Variants in RBCK1 observed in about 807,000 individuals in gnomAD.
RBCK1 encodes the protein ranBP-type and C3HC4-type zinc finger-containing protein 1.
In RBCK1, 44 loss-of-function variants were observed where a neutral mutation model predicts 71.1. The ratio of observed to expected loss-of-function variants is 0.62; its 90% CI spans 0.49 to 0.80. The LOEUF (loss-of-function observed/expected upper bound fraction) is 0.80, where lower values mean the gene tolerates loss of function less well. RBCK1 is among the 30% of genes least tolerant of loss of function. The probability of loss-of-function intolerance (pLI) is 0.00; values close to 1 mark genes in which losing one functional copy is unlikely to be tolerated. For missense variants in RBCK1, 569 were observed against 685.0 expected, an observed-to-expected ratio of 0.83 and a Z score of 1.89; for synonymous variants, 306 against 279.7, an observed-to-expected ratio of 1.09 and a Z score of -0.94.
chr20:420,957 G>A lies in RBCK1; in HGVS notation c.843G>A (p.Glu281=). Residue 281 remains glutamate (E), a synonymous_variant, in exon 7 of 12, where the codon GAG becomes GAA. Coordinates refer to ENST00000356286, the MANE Select transcript of RBCK1 (RefSeq NM_031229.4). ...TGGTGCTGAACACGGAGCCCGCCGA[G>A]TGCCCCGTGTGCTACTCGGTGCTGG... is the stretch of plus-strand genomic sequence containing the variant. ...RSLVLNTEPA[E]CPVCYSVLAP... 1 of 1,558,324 alleles carries A rather than the reference G, an allele frequency of 6.4e-7. No individual in the cohort carries two copies. Among genetic ancestry groups the A allele is most frequent in the Non-Finnish European group, 8.7e-7 (1 of 1,152,532 alleles).
Position 417,760 on chromosome 20 carries a change from T to C in RBCK1, c.290T>C (p.Val97Ala), listed in dbSNP as rs764728866. 18 of 1,613,886 alleles carry C rather than the reference T, an allele frequency of 1.1e-5. No homozygotes were observed. The highest frequency in any genetic ancestry group is 1.3e-5 in the Non-Finnish European group (15 of 1,179,910). The change falls in exon 4 of 12, where the codon GTC becomes GCC. Residue 97 changes from valine (V) to alanine (A), a missense_variant. Physicochemically the swap from Val to Ala is moderately conservative, Grantham distance 64. This residue lies in a region of RBCK1 where 358 missense variants were observed against 375.6 expected (regional missense o/e 0.95). Coordinates refer to ENST00000356286, the MANE Select transcript of RBCK1 (RefSeq NM_031229.4). This position sits in a 1 kb window ranked among gnomAD's most constrained non-coding sequence, Gnocchi z 4.7. ...TTTCTGGACTATGGCTTCCCACCAG[T>C]CTTGCAGCAGTGGGTGATTGGGCAG... ...MVFLDYGFPP[V>A]LQQWVIGQRL...
chr20:420,913 C>T lies in RBCK1; in HGVS notation c.799C>T (p.Gln267Ter), dbSNP rs2122268166. The part of the protein sequence containing the change: ...QQEGNYLQHV[Q>*]LDQRSLVLNT... Reference sequence around the variant, plus strand: ...GGAGGGGAACTACCTGCAGCACGTCCAGCTGGACCAGAGGAGCCTGGTGCT... The same window carrying T: ...GGAGGGGAACTACCTGCAGCACGTCTAGCTGGACCAGAGGAGCCTGGTGCT... The change falls in exon 7 of 12, where the codon CAG becomes TAG. Residue 267 changes from glutamine to a stop codon, truncating the protein, a stop_gained. Coordinates refer to ENST00000356286, the MANE Select transcript of RBCK1 (RefSeq NM_031229.4). LOFTEE classifies it high-confidence loss of function. 1.3e-6 allele frequency: 2 copies of T among 1,554,904 alleles called. No individual in the cohort carries two copies. The highest frequency in any genetic ancestry group is 8.7e-7 in the Non-Finnish European group (1 of 1,151,068).
intron 11 of RBCK1, among the ~76,000 whole-genome samples, chr20:429,618 G>T (rs989242135): frequency 2.0e-5 from 3 of 152,226 alleles, no homozygotes; most frequent in Admixed American, 6.5e-5. Flanking sequence ...TTCAGTGTCC[G>T]TAGGTAAAGT....
At position 422,290 on chromosome 20, in the gene RBCK1, G is replaced by T; in HGVS notation, c.1029+52G>T. On this transcript the variant is annotated intron_variant, in intron 8 of 11. Transcript: ENST00000356286. The surrounding 1 kb of genome is among the most constrained non-coding windows in gnomAD (Gnocchi z 5.0). Reference sequence around the variant, plus strand: ...CCCAAGTCCCAACTCCTAAGGAACTGGGCCCTGAGCAGGCAGCAGACATCT... The same window carrying T: ...CCCAAGTCCCAACTCCTAAGGAACTTGGCCCTGAGCAGGCAGCAGACATCT... 1 of 1,468,310 alleles carries T rather than the reference G, an allele frequency of 6.8e-7. No homozygotes were observed. Among genetic ancestry groups the T allele is most frequent in the Non-Finnish European group, 9.5e-7 (1 of 1,051,868 alleles). 91.0% of individuals were successfully genotyped at this position (1,468,310 alleles called of 1,614,324 possible).
chr20:426,586 T>C (rs568042309), intron 8 of RBCK1, among the ~76,000 whole-genome samples: 1 of 152,342 alleles, frequency 6.6e-6, no homozygotes, highest in Admixed American at 6.5e-5. Flanking sequence ...CCACGTTTTC[T>C]TTATAGGATA....
intron 2 of RBCK1, chr20:410,863 CA>C (rs2122178133): frequency 3.3e-6 from 1 of 298,610 alleles, no homozygotes; most frequent in South Asian, 6.0e-5. Context: ...TTTCTTAAAA[CA>C]GTTTTATTTA....
At position 430,281 on chromosome 20, in the gene RBCK1, A is replaced by C; in HGVS notation, c.1453-69A>C. On this transcript the variant is annotated intron_variant, in intron 11 of 11. Transcript: ENST00000356286. This position sits in a 1 kb window ranked among gnomAD's most constrained non-coding sequence, Gnocchi z 5.6. ...TGCAGAGGCAAAGGCCCGGGGTGGG[A>C]GAGCGCTCGGCTGTGGGGGCAGTCT... 50 of 1,356,880 alleles carry C rather than the reference A, an allele frequency of 3.7e-5. No homozygotes were observed. The highest frequency in any genetic ancestry group is 5.7e-5 in the African/African-American group (4 of 69,572). 84.1% of individuals were successfully genotyped at this position (1,356,880 alleles called of 1,614,324 possible).
At position 431,438 on chromosome 20, in the gene RBCK1, G is replaced by A. The variant is rs1401321343; in HGVS notation, c.*1008G>A. Among the ~76,000 whole-genome samples the A allele has an allele frequency of 6.6e-6, 1 of 152,168 alleles. No individual in the cohort carries two copies. The highest frequency in any genetic ancestry group is 2.4e-5 in the African/African-American group (1 of 41,438). ...AGAACCCACTCTGTGCTGGTCGGAGGTTACTAAGACAGGGTCCTGGGATGT... is the reference window on the plus strand; with the variant it reads ...AGAACCCACTCTGTGCTGGTCGGAGATTACTAAGACAGGGTCCTGGGATGT... On this transcript the variant is annotated 3_prime_UTR_variant, in exon 12 of 12. Coordinates refer to ENST00000356286, the MANE Select transcript of RBCK1 (RefSeq NM_031229.4). The surrounding 1 kb of genome is among the most constrained non-coding windows in gnomAD (Gnocchi z 4.8).
In RBCK1 at chr20:430,537, G is replaced by A; in HGVS notation, c.*107G>A. 8.8e-7 allele frequency: 1 copy of A among 1,132,568 alleles called. No individual in the cohort carries two copies. Among genetic ancestry groups the A allele is most frequent in the East Asian group, 2.5e-5 (1 of 40,714 alleles). 70.2% of individuals were successfully genotyped at this position (1,132,568 alleles called of 1,614,324 possible). ...GCCTTGCTTGCTGTAGCGTTGTAGG[G>A]GCCCTGCCTGCACTGCGGTTGTCCA... On this transcript the variant is annotated 3_prime_UTR_variant, in exon 12 of 12. Coordinates refer to ENST00000356286, the MANE Select transcript of RBCK1 (RefSeq NM_031229.4). The surrounding 1 kb of genome is among the most constrained non-coding windows in gnomAD (Gnocchi z 5.6).
chr20:421,155 T>TA (rs1230467337), intron 7 of RBCK1, 124 bp downstream of exon 7: 1 of 1,229,874 alleles, frequency 8.1e-7, no homozygotes, highest in Admixed American at 2.8e-5. Flanking sequence ...ACCTACGAGG[T>TA]AGGCTCCGTC....
intron 7 of RBCK1, 63 bp downstream of exon 7, chr20:421,094 T>A: frequency 8.9e-6 from 13 of 1,465,198 alleles, no homozygotes; most frequent in Non-Finnish European, 1.2e-5. Context: ...TACGCAGGGC[T>A]GGACGTGGGT....
intron 1 of RBCK1, 105 bp downstream of exon 1, chr20:408,884 C>G: frequency 7.5e-7 from 1 of 1,336,318 alleles, no homozygotes; most frequent in East Asian, 2.5e-5. Flanking sequence ...GGGCTTTAGC[C>G]TGCCCTCCCT....
At position 427,492 on chromosome 20, in the gene RBCK1, G is replaced by A; in HGVS notation, c.1209G>A (p.Lys403=). The change falls in exon 9 of 12, where the codon AAG becomes AAA. Residue 403 remains lysine (K), a splice_region_variant and synonymous_variant. Transcript: ENST00000356286. ...TCCACGTCAACTGCCTGCTCTGCAA[G>A]GTGGGGCCTGCAGGGACTCCCCCCA... is the stretch of plus-strand genomic sequence containing the variant. ...VCFHVNCLLC[K]AIHEQMNCKE... The A allele has an allele frequency of 6.2e-7, 1 of 1,612,848 alleles. No individual in the cohort carries two copies. Among genetic ancestry groups the A allele is most frequent in the Non-Finnish European group, 8.5e-7 (1 of 1,179,934 alleles).
chr20:423,137 T>G (rs1438111976), intron 8 of RBCK1, among the ~76,000 whole-genome samples: 1 of 152,090 alleles, frequency 6.6e-6, no homozygotes, highest in African/African-American at 2.4e-5. Context: ...CCATCTCTAC[T>G]AAAAATAGAA....
At chr20:421,365 C>T (rs763357454) in intron 7 of RBCK1, among the ~76,000 whole-genome samples, 1 of 152,180 alleles carries the variant, frequency 6.6e-6, no homozygotes, top group Non-Finnish European at 1.5e-5. Context: ...TTCTGAGTCT[C>T]CTGTCATGGC....
chr20:422,635 A>G lies in RBCK1; in HGVS notation c.1029+397A>G, dbSNP rs1189737445. Among the ~76,000 whole-genome samples the G allele has an allele frequency of 4.6e-5, 7 of 151,970 alleles. No individual in the cohort carries two copies. Among genetic ancestry groups the G allele is most frequent in the African/African-American group, 1.7e-4 (7 of 41,364 alleles). On this transcript the variant is annotated intron_variant, in intron 8 of 11. Coordinates refer to ENST00000356286, the MANE Select transcript of RBCK1 (RefSeq NM_031229.4). This position sits in a 1 kb window ranked among gnomAD's most constrained non-coding sequence, Gnocchi z 5.0. ...GCTTGAACCCATGAGTTCCAGACCA[A>G]CCTGGGCAACATGGCAAAAAATATT...
Position 419,258 on chromosome 20 carries a change from T to C in RBCK1, c.461-89T>C, listed in dbSNP as rs2016213190. On this transcript the variant is annotated intron_variant, in intron 4 of 11. Transcript: ENST00000356286. ...GAGGAGGGAGAGGATAGGGGGAGGG[T>C]CTGCCTGGCTGGCTCAGGGAGACCC... The C allele has an allele frequency of 1.9e-6, 3 of 1,558,120 alleles. No homozygotes were observed. The African/African-American group carries it at 4.1e-5, about 21-fold the overall frequency.
Position 419,742 on chromosome 20 carries a change from A to G in RBCK1, c.756+11A>G. 6.5e-7 allele frequency: 1 copy of G among 1,547,840 alleles called. No individual in the cohort carries two copies. Among genetic ancestry groups the G allele is most frequent in the Non-Finnish European group, 8.7e-7 (1 of 1,150,280 alleles). On this transcript the variant is annotated intron_variant, in intron 6 of 11. Coordinates refer to ENST00000356286, the MANE Select transcript of RBCK1 (RefSeq NM_031229.4). ...CGTCAGTACCAGCAGGTGGGCGGGA[A>G]AGTCCCTGGACAGACACCTGCAGAC...
At position 430,711 on chromosome 20, in the gene RBCK1, A is replaced by T. The variant is rs1207284802; in HGVS notation, c.*281A>T. The T allele has an allele frequency of 4.1e-6, 2 of 493,646 alleles. No homozygotes were observed. The highest frequency in any genetic ancestry group is 7.4e-6 in the Non-Finnish European group (2 of 270,718). The allele number at this position is 493,646 out of a possible 1,614,324, so 30.6% of individuals were successfully genotyped here. A position where few individuals can be genotyped will look rare whatever the true frequency, so the allele number is the denominator to read the frequency against. ...CTGGGTGGAGCCTCTGTGTGACTCC[A>T]TACTCCTCCCACCACAACACTCATC... On this transcript the variant is annotated 3_prime_UTR_variant, in exon 12 of 12. Coordinates refer to ENST00000356286, the MANE Select transcript of RBCK1 (RefSeq NM_031229.4). This position sits in a 1 kb window ranked among gnomAD's most constrained non-coding sequence, Gnocchi z 5.6.
Sources: gnomAD v4.1 joint callset for allele counts (sites outside exome capture counted in the v4.1 genomes callset) on GRCh38, gnomAD v4.1.1 for gene constraint, gnomAD v4.1.1 regional missense constraint, Gnocchi (gnomAD v3.1) non-coding constraint, MANE v1.5 for transcripts, NCBI Gene and HGNC (gene_info 2026-07-23, HGNC 2026-07-21) for gene names.